The following POGZ variants were observed in gnomAD, a reference collection of about 807,000 sequenced individuals.
POGZ encodes the protein pogo transposable element derived with ZNF domain, also known as pogo transposable element with ZNF domain.
Under a neutral mutation model 134.6 loss-of-function variants are expected in POGZ, and 17 were observed. The ratio of observed to expected loss-of-function variants is 0.13; its 90% CI spans 0.09 to 0.19. The LOEUF is 0.19. Among genes scored for constraint, POGZ ranks in the 10% least tolerant of loss-of-function variants. The probability of loss-of-function intolerance (pLI) is 1.00; values close to 1 mark genes in which losing one functional copy is unlikely to be tolerated. For synonymous variants in POGZ, 693 were observed against 657.1 expected (o/e 1.05, Z -0.84); for missense variants, 1,306 against 1,769.7 (o/e 0.74, Z 4.70).
chr1:151,430,904 C>CTTTATTTTACTTTAT lies in POGZ; in HGVS notation c.284-64_284-63insATAAAGTAAAATAAA. On this transcript the variant is annotated intron_variant, in intron 3 of 18. Coordinates refer to ENST00000271715, the MANE Select transcript of POGZ (RefSeq NM_015100.4). ...GAAACAATGTTAAACCCACATTTTA[C>CTTTATTTTACTTTAT]TTTATTTTATTTTATTTTATTTTAT... 3 of 425,976 alleles carry CTTTATTTTACTTTAT rather than the reference C, an allele frequency of 7.0e-6. No homozygotes were observed. The East Asian group carries it at 2.2e-4, about 31-fold the overall frequency. 26.4% of individuals were successfully genotyped at this position (425,976 alleles called of 1,614,324 possible).
intron 1 of POGZ, among the ~76,000 whole-genome samples, chr1:151,449,940 T>C (rs994963504): frequency 1.3e-5 from 2 of 152,068 alleles, no homozygotes; most frequent in South Asian, 4.1e-4. Flanking sequence ...CAAATGGTTA[T>C]ATCTTGTATG....
chr1:151,428,208 A>T lies in POGZ; in HGVS notation c.774T>A (p.Thr258=). 6.2e-7 allele frequency: 1 copy of T among 1,613,988 alleles called. No homozygotes were observed. Among genetic ancestry groups the T allele is most frequent in the Non-Finnish European group, 8.5e-7 (1 of 1,179,950 alleles). The stretch of plus-strand genomic sequence containing the variant: ...GTGAGGTTGGCTGTGTGGCAGTGGG[A>T]GTGGTAGAAGTGCTGGGAGTGGACT... ...QTKSTPSTST[T]PTATQPTSLG... is the part of the protein sequence containing the mutation. The change falls in exon 6 of 19, where the codon ACT becomes ACA. Residue 258 remains threonine, a synonymous_variant. Transcript: ENST00000271715.
rs1046798842 is a variant in POGZ, at chr1:151,441,042, C to T, written c.169G>A (p.Ala57Thr). 2 of 1,613,912 alleles carry T rather than the reference C, an allele frequency of 1.2e-6. No homozygotes were observed. Among genetic ancestry groups the T allele is most frequent in the African/African-American group, 2.7e-5 (2 of 74,912 alleles). The change falls in exon 3 of 19, where the codon GCC becomes ACC. Residue 57 changes from alanine to threonine, a missense_variant. Coordinates refer to ENST00000271715, the MANE Select transcript of POGZ (RefSeq NM_015100.4). ...QPVSAPVPIA[A>T]HASVAGHLST... The stretch of plus-strand genomic sequence containing the variant: ...AGGTGCCCAGCAACAGAAGCATGGG[C>T]AGCGATGGGCACTGGAGCCGAGACT...
chr1:151,406,455 C>G lies in POGZ; in HGVS notation c.2580G>C (p.Gln860His). The change falls in exon 19 of 19, where the codon CAG becomes CAC. Residue 860 changes from glutamine (Q) to histidine (H), a missense_variant. By Grantham distance (24) the Gln-to-His change is conservative. Around this residue, in one of 10 missense-constraint regions of POGZ, gnomAD observed 214 missense variants for 255.5 expected, o/e 0.84. Coordinates refer to ENST00000271715, the MANE Select transcript of POGZ (RefSeq NM_015100.4). ...LTWIAHSRHG[Q>H]TRDRVHDRNV... ...TCCGGTCATGCACTCGGTCACGAGT[C>G]TGGCCATGCCTAAAGGGGTGAGGAG... is the stretch of plus-strand genomic sequence containing the variant. 6.4e-7 allele frequency: 1 copy of G among 1,550,942 alleles called. No homozygotes were observed. The highest frequency in any genetic ancestry group is 8.7e-7 in the Non-Finnish European group (1 of 1,152,100).
chr1:151,408,705 G>C lies in POGZ; in HGVS notation c.2050C>G (p.Pro684Ala), dbSNP rs755516325. Residue 684 changes from proline (P) to alanine (A), a missense_variant, in exon 13 of 19, where the codon CCA becomes GCA. By Grantham distance (27) the Pro-to-Ala change is conservative. Coordinates refer to ENST00000271715, the MANE Select transcript of POGZ (RefSeq NM_015100.4). ...GGCAAACTCTTTACCTTGGTGCCTG[G>C]TTTCAAGCCCTCCAGCTGCTTGGGT... ...RKPKQLEGLK[P>A]GTKVTIRASR... The C allele has an allele frequency of 1.9e-6, 3 of 1,613,932 alleles. No individual in the cohort carries two copies. The highest frequency in any genetic ancestry group is 1.3e-5 in the African/African-American group (1 of 74,988).
intron 10 of POGZ, among the ~76,000 whole-genome samples, chr1:151,419,190 C>A (rs1656388274): frequency 6.6e-6 from 1 of 151,992 alleles, no homozygotes; most frequent in Non-Finnish European, 1.5e-5. Flanking sequence ...CCCATCTCTA[C>A]TAAAAATAAA....
In POGZ at chr1:151,412,416, CAATA is replaced by C; in HGVS notation, c.1679-24_1679-21del. On this transcript the variant is annotated intron_variant, in intron 10 of 18. Transcript: ENST00000271715. The stretch of plus-strand genomic sequence containing the variant: ...ACTTGGCTGTAAGAAGAAAAGTAAT[CAATA>C]AATCCACTTGAAAATAAGACAAAAG... 8.2e-6 allele frequency: 11 copies of C among 1,333,756 alleles called. No homozygotes were observed. Among genetic ancestry groups the C allele is most frequent in the Non-Finnish European group, 1.2e-5 (11 of 931,730 alleles). 82.6% of individuals were successfully genotyped at this position (1,333,756 alleles called of 1,614,324 possible).
rs1660678761 is a variant in POGZ, at chr1:151,442,440, T to C, written c.-1-235A>G. 3 of 338,624 alleles carry C rather than the reference T, an allele frequency of 8.9e-6. No individual in the cohort carries two copies. In the East Asian group the frequency reaches 1.5e-4, roughly 17 times the overall value. 21.0% of individuals were successfully genotyped at this position (338,624 alleles called of 1,614,324 possible). On this transcript the variant is annotated intron_variant, in intron 1 of 18. Transcript: ENST00000271715. ...AATTAGGGTTACAGGCCGGGCATGG[T>C]GGCTCCCACCTGTAATCCCAACATT...
chr1:151,429,568 C>T lies in POGZ; in HGVS notation c.568+35G>A, dbSNP rs201540350. The T allele has an allele frequency of 6.7e-5, 70 of 1,042,844 alleles. 1 individual carries two copies. The highest frequency in any genetic ancestry group is 2.8e-4 in the South Asian group (21 of 74,184). 64.6% of individuals were successfully genotyped at this position (1,042,844 alleles called of 1,614,324 possible). On this transcript the variant is annotated intron_variant, in intron 5 of 18. Coordinates refer to ENST00000271715, the MANE Select transcript of POGZ (RefSeq NM_015100.4). ...CAATAAAAACAAATCTTCTGGATGC[C>T]AGTTTATTCCAAATGGATAGACATT...
intron 3 of POGZ, among the ~76,000 whole-genome samples, chr1:151,433,760 C>G (rs1009635646): frequency 1.3e-5 from 2 of 152,034 alleles, no homozygotes; most frequent in Admixed American, 1.3e-4. Flanking sequence ...TATTTAGAAG[C>G]ATTTTAATGA....
intron 1 of POGZ, among the ~76,000 whole-genome samples, chr1:151,455,390 T>G (rs1662647818): frequency 6.6e-6 from 1 of 152,220 alleles, no homozygotes. Context: ...TCACTGCCTC[T>G]TCCATCAACT....
chr1:151,406,734 G>C lies in POGZ; in HGVS notation c.2546-103C>G, dbSNP rs992061110. On this transcript the variant is annotated intron_variant, in intron 17 of 18. Coordinates refer to ENST00000271715, the MANE Select transcript of POGZ (RefSeq NM_015100.4). ...CTTACTACATACAAATACGCTGTTC[G>C]CAGTGACCAGCTTTCCCAGTTTTAT... 17 of 1,076,296 alleles carry C rather than the reference G, an allele frequency of 1.6e-5. No homozygotes were observed. In the South Asian group the frequency reaches 2.3e-4, roughly 15 times the overall value. 66.7% of individuals were successfully genotyped at this position (1,076,296 alleles called of 1,614,324 possible).
At chr1:151,429,453 A>AT in intron 5 of POGZ, 150 bp downstream of exon 5, 2 of 432,316 alleles carry the variant, frequency 4.6e-6, no homozygotes, top group Non-Finnish European at 8.2e-6. Context: ...TTAGAAGCAG[A>AT]TTTTTTAAAA....
Position 151,405,082 on chromosome 1 carries a change from A to C in POGZ, c.3953T>G (p.Leu1318Arg). The change falls in exon 19 of 19, where the codon CTA (leucine) becomes CGA (arginine). Residue 1318 changes from leucine to arginine, a missense_variant. By Grantham distance (102) the Leu-to-Arg change is moderately radical. This residue lies in a region of POGZ where 67 missense variants were observed against 105.8 expected (regional missense o/e 0.63). Transcript: ENST00000271715. The surrounding 1 kb of genome is among the most constrained non-coding windows in gnomAD (Gnocchi z 4.9). ...AGCCACCAGGAAGGAGCGCTGAACT[A>C]GCTCTGGACAGTCCCCAATGACACC... ...VLGVIGDCPE[L>R]VQRSFLVASV... 1.2e-6 allele frequency: 2 copies of C among 1,614,220 alleles called. No individual in the cohort carries two copies. Among genetic ancestry groups the C allele is most frequent in the Non-Finnish European group, 1.7e-6 (2 of 1,180,046 alleles).
chr1:151,443,417 G>A (rs962293122), intron 1 of POGZ, among the ~76,000 whole-genome samples: 7 of 152,238 alleles, frequency 4.6e-5, no homozygotes, highest in African/African-American at 1.7e-4. Context: ...ATTAAAGTCT[G>A]AGCCGGGTGC....
intron 11 of POGZ, 174 bp from the exon 12 acceptor site, chr1:151,411,945 T>A: frequency 1.7e-6 from 1 of 575,474 alleles, no homozygotes; most frequent in Non-Finnish European, 3.0e-6. Context: ...GTGATAGGTT[T>A]AGCTATTACT....
At chr1:151,422,174 T>G (rs971636871) in intron 10 of POGZ, among the ~76,000 whole-genome samples, 5 of 152,224 alleles carry the variant, frequency 3.3e-5, no homozygotes, top group African/African-American at 1.2e-4. Flanking sequence ...TTCTTACTAC[T>G]CTCCATCCAT....
At chr1:151,416,495 C>G (rs1371401853) in intron 10 of POGZ, among the ~76,000 whole-genome samples, 2 of 151,946 alleles carry the variant, frequency 1.3e-5, no homozygotes. Flanking sequence ...GGGTGAGATT[C>G]TGTCTCAAAA....
intron 1 of POGZ, among the ~76,000 whole-genome samples, chr1:151,443,021 G>A (rs189913965): frequency 7.2e-5 from 11 of 152,022 alleles, no homozygotes; most frequent in Admixed American, 5.2e-4. Flanking sequence ...TAGAGACTCC[G>A]TCTCAAAAAC....
Sources: allele counts gnomAD v4.1 joint callset (sites outside exome capture counted in the v4.1 genomes callset), GRCh38; gene constraint gnomAD v4.1.1; regional missense constraint gnomAD v4.1.1; non-coding constraint Gnocchi (gnomAD v3.1); transcripts MANE v1.5; gene names NCBI Gene and HGNC (gene_info 2026-07-23, HGNC 2026-07-21).